FBLN5: variants seen among roughly 807,000 people sequenced by gnomAD.
FBLN5 encodes the protein fibulin-5.
FBLN5 carries 24 observed loss-of-function variants against 61.6 expected under a neutral mutation model. That is an observed-to-expected ratio of 0.39 (90% CI 0.28 to 0.55). The LOEUF (loss-of-function observed/expected upper bound fraction) is 0.55, where lower values mean the gene tolerates loss of function less well. Ranked by LOEUF, FBLN5 falls within the 20% of genes least tolerant of loss-of-function variation. The pLI is 0.65. For synonymous variants in FBLN5, 213 were observed against 219.8 expected (o/e 0.97, Z 0.27); for missense variants, 470 against 594.1 (o/e 0.79, Z 2.17).
Position 91,879,742 on chromosome 14 carries a change from G to A in FBLN5, c.989+1550C>T, listed in dbSNP as rs187728572. 6.6e-3 allele frequency among the ~76,000 whole-genome samples: 1,010 copies of A among 152,338 alleles called. 4 individuals are homozygous for A. Among genetic ancestry groups the A allele is most frequent in the Non-Finnish European group, 9.6e-3 (653 of 68,022 alleles). On this transcript the variant is annotated intron_variant, in intron 9 of 10. Transcript: ENST00000342058. ...AAGTGAAGATGTCCCTAAAGGATCC[G>A]CCTGTCCCGGCATTATCCTCTCTTT...
Position 91,882,491 on chromosome 14 carries a change from A to G in FBLN5, c.862+463T>C, listed in dbSNP as rs2139959928. Among the ~76,000 whole-genome samples, 1 of 152,202 alleles carries G rather than the reference A, an allele frequency of 6.6e-6. No homozygotes were observed. The highest frequency in any genetic ancestry group is 1.9e-4 in the East Asian group (1 of 5,188). ...GGGGTCCCAGCCCTTGCAGGAACAG[A>G]GCAGTCAGGTGCATGAGGTCTCCCT... is the stretch of plus-strand genomic sequence containing the variant. On this transcript the variant is annotated intron_variant, in intron 8 of 10. Coordinates refer to ENST00000342058, the MANE Select transcript of FBLN5 (RefSeq NM_006329.4). The surrounding 1 kb of genome is among the most constrained non-coding windows in gnomAD (Gnocchi z 4.9).
chr14:91,903,691 C>T (rs1161461394), intron 4 of FBLN5, among the ~76,000 whole-genome samples: 2 of 152,152 alleles, frequency 1.3e-5, no homozygotes, highest in Admixed American at 6.5e-5. Context: ...GTTAACAGTG[C>T]CACCGTTTTC....
intron 7 of FBLN5, among the ~76,000 whole-genome samples, chr14:91,885,691 T>C (rs751592153): frequency 7.2e-5 from 11 of 152,118 alleles, no homozygotes; most frequent in Non-Finnish European, 1.0e-4. Flanking sequence ...AAATAGTAAA[T>C]GGCAGAGCTA....
chr14:91,893,079 C>T (rs1055510441), intron 5 of FBLN5, among the ~76,000 whole-genome samples: 1 of 152,178 alleles, frequency 6.6e-6, no homozygotes, highest in Non-Finnish European at 1.5e-5. Context: ...CGGTCTCCCC[C>T]TACCACTCCA....
chr14:91,908,819 T>C (rs1356102695), intron 4 of FBLN5, among the ~76,000 whole-genome samples: 1 of 152,146 alleles, frequency 6.6e-6, no homozygotes, highest in Non-Finnish European at 1.5e-5. Flanking sequence ...AGCCCAATGG[T>C]GTACATAAGA....
intron 6 of FBLN5, among the ~76,000 whole-genome samples, chr14:91,887,663 C>T (rs928922981): frequency 3.3e-5 from 5 of 152,140 alleles, no homozygotes; most frequent in African/African-American, 7.2e-5. Flanking sequence ...CTTCCATCAC[C>T]GGTTGCATTC....
At chr14:91,944,239 T>TAAAAACA (rs1293061399) in intron 1 of FBLN5, among the ~76,000 whole-genome samples, 2 of 151,912 alleles carry the variant, frequency 1.3e-5, no homozygotes, top group African/African-American at 4.8e-5. Flanking sequence ...TCTCAAAAAA[T>TAAAAACA]AAAAACAAAA....
At chr14:91,923,027 A>G (rs2055767920) in intron 4 of FBLN5, among the ~76,000 whole-genome samples, 1 of 152,186 alleles carries the variant, frequency 6.6e-6, no homozygotes, top group South Asian at 2.1e-4. Context: ...GCCTCAAATG[A>G]GAAGATACCA....
At chr14:91,898,927 G>A (rs574804856) in intron 4 of FBLN5, among the ~76,000 whole-genome samples, 9 of 147,760 alleles carry the variant, frequency 6.1e-5, no homozygotes, top group South Asian at 4.4e-4. Context: ...TCAGCCTCCC[G>A]AGTAGCTGGG....
intron 4 of FBLN5, among the ~76,000 whole-genome samples, chr14:91,905,142 G>A (rs1269408885): frequency 1.3e-5 from 2 of 152,114 alleles, no homozygotes; most frequent in Non-Finnish European, 2.9e-5. Context: ...CTCAGAGCAT[G>A]ATCATGAAAT....
chr14:91,933,428 C>T (rs943217893), intron 4 of FBLN5, among the ~76,000 whole-genome samples: 24 of 152,246 alleles, frequency 1.6e-4, no homozygotes, highest in African/African-American at 5.8e-4. Flanking sequence ...GTGCATACCA[C>T]CACACCCAAC....
intron 4 of FBLN5, among the ~76,000 whole-genome samples, chr14:91,903,252 C>T (rs936592760): frequency 2.6e-5 from 4 of 152,142 alleles, no homozygotes; most frequent in Non-Finnish European, 5.9e-5. Context: ...GGTGTACGGA[C>T]AGAGCCTTTC....
intron 6 of FBLN5, among the ~76,000 whole-genome samples, chr14:91,890,445 G>GGCTGGAGGCCTGGGCCGGGA (rs1245114630): frequency 6.6e-6 from 1 of 152,180 alleles, no homozygotes; most frequent in Admixed American, 6.5e-5. Flanking sequence ...AGCTGCCAGG[G>GGCTGGAGGCCTGGGCCGGGA]GCTGGAGGCC....
intron 4 of FBLN5, among the ~76,000 whole-genome samples, chr14:91,915,487 T>G (rs1000494733): frequency 6.6e-6 from 1 of 151,744 alleles, no homozygotes; most frequent in African/African-American, 2.4e-5. Context: ...AGATCGAGAC[T>G]ATCCTGGCTA....
intron 4 of FBLN5, among the ~76,000 whole-genome samples, chr14:91,902,252 T>C (rs1890482923): frequency 6.7e-6 from 1 of 150,368 alleles, no homozygotes; most frequent in Non-Finnish European, 1.5e-5. Context: ...AATGTCAATC[T>C]AGACATGGGT....
In FBLN5 at chr14:91,947,078, A is replaced by T; in HGVS notation, c.17+135T>A. The T allele has an allele frequency of 6.5e-7, 1 of 1,539,580 alleles. No homozygotes were observed. Among genetic ancestry groups the T allele is most frequent in the Non-Finnish European group, 8.8e-7 (1 of 1,133,082 alleles). On this transcript the variant is annotated intron_variant, in intron 1 of 10. Coordinates refer to ENST00000342058, the MANE Select transcript of FBLN5 (RefSeq NM_006329.4). This position sits in a 1 kb window ranked among gnomAD's most constrained non-coding sequence, Gnocchi z 4.3. ...GCAGCTTTTTATAATTAACAATATC[A>T]TTGCATCACTAGCTCATGCCTTTTC...
At chr14:91,913,692 C>A (rs1455595674) in intron 4 of FBLN5, among the ~76,000 whole-genome samples, 1 of 152,220 alleles carries the variant, frequency 6.6e-6, no homozygotes, top group Non-Finnish European at 1.5e-5. Context: ...TCAATTATAT[C>A]AGCAAATACT....
At chr14:91,875,299 C>G (rs1889115106) in intron 10 of FBLN5, among the ~76,000 whole-genome samples, 2 of 152,214 alleles carry the variant, frequency 1.3e-5, no homozygotes, top group African/African-American at 4.8e-5. Context: ...AGCTGCCCCA[C>G]ACCATAGAGA....
chr14:91,877,471 C>A lies in FBLN5; in HGVS notation c.1185+16G>T. 6.2e-7 allele frequency: 1 copy of A among 1,606,516 alleles called. No individual in the cohort carries two copies. Among genetic ancestry groups the A allele is most frequent in the Non-Finnish European group, 8.5e-7 (1 of 1,173,156 alleles). ...CACTGTTACAGATGGCGTCCCCACT[C>A]CCCACTCCCTCTTACCCGCATGTAA... On this transcript the variant is annotated intron_variant, in intron 10 of 10. Coordinates refer to ENST00000342058, the MANE Select transcript of FBLN5 (RefSeq NM_006329.4).
Sources: gnomAD v4.1 joint callset for allele counts (sites outside exome capture counted in the v4.1 genomes callset) on GRCh38, gnomAD v4.1.1 for gene constraint, Gnocchi (gnomAD v3.1) non-coding constraint, MANE v1.5 for transcripts, NCBI Gene and HGNC (gene_info 2026-07-23, HGNC 2026-07-21) for gene names.